Variants in C9orf85 observed in about 807,000 individuals in gnomAD.
C9orf85 encodes the protein chromosome 9 open reading frame 85.
A neutral mutation model predicts 14.9 loss-of-function variants in C9orf85; 16 were observed. The observed-to-expected ratio is 1.08, with a 90% CI of 0.73 to 1.63. The LOEUF is 1.63. C9orf85 is among the 40% of genes most tolerant of loss of function. C9orf85 has a pLI of 0.00. For missense variants in C9orf85, 172 were observed against 186.1 expected (o/e 0.92, Z 0.44); for synonymous variants, 45 against 56.8 (o/e 0.79, Z 0.93).
At chr9:71,933,394 C>T (rs1020965453) in intron 1 of C9orf85, among the ~76,000 whole-genome samples, 6 of 152,118 alleles carry the variant, frequency 3.9e-5, no homozygotes. Flanking sequence ...AGAATAATCC[C>T]CCTGTTATAT....
chr9:71,921,925 T>TATTATTATTATTA, intron 1 of C9orf85, among the ~76,000 whole-genome samples: 1 of 8,882 alleles, frequency 1.1e-4, no homozygotes, highest in African/African-American at 2.1e-4. Flanking sequence ...TTTTTATTTT[T>TATTATTATTATTA]TTTTTATTAT....
At chr9:71,953,375 G>C (rs537635925) in intron 2 of C9orf85, among the ~76,000 whole-genome samples, 1 of 152,232 alleles carries the variant, frequency 6.6e-6, no homozygotes, top group Non-Finnish European at 1.5e-5. Flanking sequence ...GGAGAAGGGA[G>C]CCCAGACCTT....
chr9:71,976,849 C>T (rs1823011450), downstream of C9orf85, among the ~76,000 whole-genome samples: 1 of 152,072 alleles, frequency 6.6e-6, no homozygotes, highest in African/African-American at 2.4e-5. Context: ...TATAGTACCC[C>T]CGTTGTCCCG....
At chr9:71,913,423 A>G (rs1164548787) in intron 1 of C9orf85, among the ~76,000 whole-genome samples, 3 of 152,222 alleles carry the variant, frequency 2.0e-5, no homozygotes, top group African/African-American at 7.2e-5. Context: ...AGATAAGTAA[A>G]TACAAATTAT....
At chr9:71,981,979 C>G (rs1198942559) in intron 3 of C9orf85, among the ~76,000 whole-genome samples, 1 of 152,128 alleles carries the variant, frequency 6.6e-6, no homozygotes, top group Non-Finnish European at 1.5e-5. Context: ...AAGCATTGTG[C>G]ATTTATCACC....
chr9:71,978,774 G>A (rs1823048304), intron 3 of C9orf85, among the ~76,000 whole-genome samples: 3 of 152,104 alleles, frequency 2.0e-5, no homozygotes. Flanking sequence ...GGTGGTGCAG[G>A]CCTGTAATCC....
Position 71,965,334 on chromosome 9 carries a change from A to C in C9orf85, c.210-6171A>C, listed in dbSNP as rs118111979. Among the ~76,000 whole-genome samples, 19 of 152,200 alleles carry C rather than the reference A, an allele frequency of 1.2e-4. No homozygotes were observed. The East Asian group carries it at 3.7e-3, about 29-fold the overall frequency. On this transcript the variant is annotated intron_variant, in intron 2 of 3. Transcript: ENST00000334731. ...TACCTGATTCGTCGGGTGTGAGTTTAGTTGCAAGCCTGATGTTTAAAGGTG... is the reference window on the plus strand; with the variant it reads ...TACCTGATTCGTCGGGTGTGAGTTTCGTTGCAAGCCTGATGTTTAAAGGTG...
At chr9:71,950,876 T>C (rs577034632) in intron 2 of C9orf85, among the ~76,000 whole-genome samples, 28 of 152,154 alleles carry the variant, frequency 1.8e-4, no homozygotes, top group Admixed American at 3.3e-4. Flanking sequence ...AGTAATAATA[T>C]CCTGGATATT....
intron 1 of C9orf85, chr9:71,941,663 CAG>C (rs1226437016): frequency 1.3e-5 from 2 of 152,084 alleles, no homozygotes; most frequent in African/African-American, 4.8e-5. Context: ...AGAGAGATAA[CAG>C]ATATACAGTA....
At chr9:71,962,783 C>T (rs564982502) in intron 2 of C9orf85, among the ~76,000 whole-genome samples, 5 of 152,266 alleles carry the variant, frequency 3.3e-5, no homozygotes, top group African/African-American at 1.2e-4. Flanking sequence ...TGGCTGGGCG[C>T]AGTGGCTCAT....
At chr9:71,962,030 G>A (rs1275203640) in intron 2 of C9orf85, among the ~76,000 whole-genome samples, 1 of 152,106 alleles carries the variant, frequency 6.6e-6, no homozygotes, top group Non-Finnish European at 1.5e-5. Context: ...GCTAGGCGTG[G>A]TGACGTGCTC....
intron 1 of C9orf85, among the ~76,000 whole-genome samples, chr9:71,936,798 G>T (rs1223329624): frequency 2.9e-5 from 4 of 137,362 alleles, no homozygotes; most frequent in Admixed American, 1.6e-4. Flanking sequence ...TTGAGACAGG[G>T]TCTCACTCTG....
At chr9:71,951,948 A>G (rs1199369023) in intron 2 of C9orf85, among the ~76,000 whole-genome samples, 2 of 152,164 alleles carry the variant, frequency 1.3e-5, no homozygotes, top group Admixed American at 6.6e-5. Flanking sequence ...AGGAATCTTG[A>G]TATTTTTATA....
chr9:71,977,914 A>T (rs1823034600), downstream of C9orf85, among the ~76,000 whole-genome samples: 1 of 152,184 alleles, frequency 6.6e-6, no homozygotes, highest in African/African-American at 2.4e-5. Flanking sequence ...ACCTACTGAA[A>T]AAAATCATAC....
At chr9:71,926,553 C>T (rs1827932797) in intron 1 of C9orf85, among the ~76,000 whole-genome samples, 1 of 150,690 alleles carries the variant, frequency 6.6e-6, no homozygotes, top group African/African-American at 2.4e-5. Context: ...TTTTAAAAAC[C>T]CGAAACCCGA....
chr9:71,917,300 A>C (rs1408670979), intron 1 of C9orf85, among the ~76,000 whole-genome samples: 2 of 152,182 alleles, frequency 1.3e-5, no homozygotes, highest in Non-Finnish European at 1.5e-5. Flanking sequence ...TGGCCCCTGG[A>C]GTATCACATG....
chr9:71,940,135 A>G (rs1011247481), intron 1 of C9orf85, among the ~76,000 whole-genome samples: 1 of 152,162 alleles, frequency 6.6e-6, no homozygotes, highest in Non-Finnish European at 1.5e-5. Context: ...GGGAGAATAT[A>G]TTTGCAAAGC....
At chr9:71,931,114 CAG>C (rs922197275) in intron 1 of C9orf85, among the ~76,000 whole-genome samples, 2 of 152,164 alleles carry the variant, frequency 1.3e-5, no homozygotes, top group Non-Finnish European at 2.9e-5. Flanking sequence ...GATTTCTGTA[CAG>C]TGCAGTACCC....
At chr9:71,933,377 A>T (rs1426314345) in intron 1 of C9orf85, among the ~76,000 whole-genome samples, 1 of 152,236 alleles carries the variant, frequency 6.6e-6, no homozygotes, top group Middle Eastern at 3.2e-3. Flanking sequence ...GAAGTGACTC[A>T]TAATTTAGAA....
Sources: allele counts gnomAD v4.1 joint callset (sites outside exome capture counted in the v4.1 genomes callset), GRCh38; gene constraint gnomAD v4.1.1; transcripts MANE v1.5; gene names NCBI Gene and HGNC (gene_info 2026-07-23, HGNC 2026-07-21).